The following TRPC6 variants were observed in gnomAD, a reference collection of about 807,000 sequenced individuals.
TRPC6 encodes short transient receptor potential channel 6.
In TRPC6, 55 loss-of-function variants were observed where a neutral mutation model predicts 90.7. That is an observed-to-expected ratio of 0.61 (90% CI 0.49 to 0.76). TRPC6 has a LOEUF of 0.76. Ranked by LOEUF, TRPC6 falls within the 30% of genes least tolerant of loss-of-function variation. TRPC6 has a pLI of 0.00. For synonymous variants in TRPC6, 393 were observed against 393.0 expected (o/e 1.00, Z 0.00); for missense variants, 989 against 1,122.7 (o/e 0.88, Z 1.70).
intron 1 of TRPC6, among the ~76,000 whole-genome samples, chr11:101,558,460 T>TACACAC (rs71056630): frequency 0.02 from 1,022 of 50,468 alleles, 80 homozygotes; most frequent in African/African-American, 0.042. Context: ...CACGCACACA[T>TACACAC]ACACACACAC....
chr11:101,579,215 A>G (rs1862136958), intron 1 of TRPC6, among the ~76,000 whole-genome samples: 1 of 151,970 alleles, frequency 6.6e-6, no homozygotes, highest in Non-Finnish European at 1.5e-5. Flanking sequence ...TAGCCCTTCC[A>G]TTAATTTTTT....
intron 10 of TRPC6, among the ~76,000 whole-genome samples, chr11:101,465,137 G>C (rs1859111507): frequency 1.3e-5 from 2 of 152,162 alleles, no homozygotes; most frequent in Non-Finnish European, 2.9e-5. Flanking sequence ...CTGGCTTGTA[G>C]GGTTTCTGCA....
chr11:101,563,386 A>T (rs554748321), intron 1 of TRPC6, among the ~76,000 whole-genome samples: 1 of 152,298 alleles, frequency 6.6e-6, no homozygotes, highest in South Asian at 2.1e-4. Context: ...TTGCATGTGT[A>T]CGTGTCTGTC....
intron 1 of TRPC6, among the ~76,000 whole-genome samples, chr11:101,582,944 C>G (rs898198261): frequency 1.3e-5 from 2 of 152,116 alleles, no homozygotes; most frequent in African/African-American, 4.8e-5. Flanking sequence ...GTCACCCGGG[C>G]GCACATCTGA....
At chr11:101,492,758 G>A (rs1040019417) in intron 2 of TRPC6, among the ~76,000 whole-genome samples, 1 of 152,190 alleles carries the variant, frequency 6.6e-6, no homozygotes, top group Non-Finnish European at 1.5e-5. Flanking sequence ...TGTAAACTGT[G>A]TTAGTAAACT....
Position 101,583,442 on chromosome 11 carries a change from G to T in TRPC6, c.62C>A (p.Ala21Asp). Residue 21 changes from alanine (A) to aspartate (D), a missense_variant, in exon 1 of 13, where the codon GCC (alanine) becomes GAC (aspartate). Physicochemically the swap from Ala to Asp is moderately radical, Grantham distance 126 (BLOSUM62 -2). Transcript: ENST00000344327. Reference sequence around the variant, plus strand: ...CTGGCTCTCGTTGCGCCGCGCAGCGGCTCCGGCAGCGCCCCGGGGAGAACT... The same window carrying T: ...CTGGCTCTCGTTGCGCCGCGCAGCGTCTCCGGCAGCGCCCCGGGGAGAACT... ...RGSSPRGAAG[A>D]AARRNESQDY... The T allele has an allele frequency of 6.5e-7, 1 of 1,543,176 alleles. No homozygotes were observed. Among genetic ancestry groups the T allele is most frequent in the Non-Finnish European group, 8.7e-7 (1 of 1,143,748 alleles).
chr11:101,464,949 T>C (rs1447232853), intron 10 of TRPC6, among the ~76,000 whole-genome samples: 1 of 152,220 alleles, frequency 6.6e-6, no homozygotes, highest in African/African-American at 2.4e-5. Flanking sequence ...CTTTCCATAC[T>C]TAGTGCTTCC....
At chr11:101,462,221 T>C in intron 10 of TRPC6, among the ~76,000 whole-genome samples, 1 of 152,196 alleles carries the variant, frequency 6.6e-6, no homozygotes, top group East Asian at 1.9e-4. Flanking sequence ...TGTAGCCTTG[T>C]AGTATAGTTT....
intron 1 of TRPC6, among the ~76,000 whole-genome samples, chr11:101,518,996 T>C (rs1168208829): frequency 6.6e-6 from 1 of 152,094 alleles, no homozygotes; most frequent in Non-Finnish European, 1.5e-5. Context: ...ATTAAAACAA[T>C]TGAATTCATG....
At chr11:101,559,701 G>A (rs1271050002) in intron 1 of TRPC6, among the ~76,000 whole-genome samples, 1 of 150,578 alleles carries the variant, frequency 6.6e-6, no homozygotes, top group African/African-American at 2.5e-5. Flanking sequence ...TGTTACATAT[G>A]TATACGTGTG....
At chr11:101,454,765 G>T (rs1165075703) in intron 11 of TRPC6, among the ~76,000 whole-genome samples, 2 of 151,894 alleles carry the variant, frequency 1.3e-5, no homozygotes, top group African/African-American at 2.4e-5. Context: ...TTTTTGTAAG[G>T]TTTGCCTTTT....
At chr11:101,553,951 G>T (rs1383899737) in intron 1 of TRPC6, among the ~76,000 whole-genome samples, 1 of 152,086 alleles carries the variant, frequency 6.6e-6, no homozygotes, top group Non-Finnish European at 1.5e-5. Flanking sequence ...TCATAGTTCT[G>T]TGGGGAAAAT....
intron 1 of TRPC6, among the ~76,000 whole-genome samples, chr11:101,510,221 A>C (rs987841594): frequency 6.6e-6 from 1 of 152,138 alleles, no homozygotes; most frequent in Non-Finnish European, 1.5e-5. Context: ...AAAATGTGTA[A>C]AACAACTTTT....
At chr11:101,527,024 A>G (rs1860796916) in intron 1 of TRPC6, among the ~76,000 whole-genome samples, 1 of 139,418 alleles carries the variant, frequency 7.2e-6, no homozygotes, top group African/African-American at 2.4e-5. Flanking sequence ...CAAGACTACA[A>G]TTTCAAAAAA....
At position 101,451,884 on chromosome 11, in the gene TRPC6, C is replaced by T. The variant is rs200962334; in HGVS notation, c.*1071G>A. ...CTTCATCGCTTTTAGTTGTTTAAGACACCACTTCACATGATCAGTAAGTAA... is the reference window on the plus strand; with the variant it reads ...CTTCATCGCTTTTAGTTGTTTAAGATACCACTTCACATGATCAGTAAGTAA... On this transcript the variant is annotated 3_prime_UTR_variant, in exon 13 of 13. Transcript: ENST00000344327. 1 of 152,292 alleles carries T rather than the reference C, an allele frequency of 6.6e-6. No homozygotes were observed. The highest frequency in any genetic ancestry group is 2.1e-4 in the South Asian group (1 of 4,824). 9.4% of individuals were successfully genotyped at this position (152,292 alleles called of 1,614,324 possible).
At chr11:101,578,967 A>G (rs2136901778) in intron 1 of TRPC6, among the ~76,000 whole-genome samples, 1 of 152,160 alleles carries the variant, frequency 6.6e-6, no homozygotes, top group South Asian at 2.1e-4. Flanking sequence ...ATATGTTTAA[A>G]TGGGGTTTTT....
intron 1 of TRPC6, among the ~76,000 whole-genome samples, chr11:101,530,467 C>T (rs1565231642): frequency 6.6e-6 from 1 of 152,156 alleles, no homozygotes; most frequent in Non-Finnish European, 1.5e-5. Flanking sequence ...TGAGGCTGGG[C>T]TGTAGACCCT....
At position 101,518,445 on chromosome 11, in the gene TRPC6, G is replaced by A. The variant is rs1218067715; in HGVS notation, c.171-13647C>T. ...ATTGCAAACAGAAATATGAAAAGAT[G>A]CTTAACATCATTGATCATCAGAGAA... On this transcript the variant is annotated intron_variant, in intron 1 of 12. Coordinates refer to ENST00000344327, the MANE Select transcript of TRPC6 (RefSeq NM_004621.6). Among the ~76,000 whole-genome samples the A allele has an allele frequency of 2.0e-5, 3 of 152,228 alleles. No homozygotes were observed. In the South Asian group the frequency reaches 6.2e-4, roughly 32 times the overall value.
intron 1 of TRPC6, 151 bp downstream of exon 1, chr11:101,583,183 C>G: frequency 7.2e-7 from 1 of 1,390,768 alleles, no homozygotes; most frequent in Admixed American, 2.9e-5. Context: ...ACTCAGGTCC[C>G]AGCCCTGGCT....
Sources: allele counts gnomAD v4.1 joint callset (sites outside exome capture counted in the v4.1 genomes callset), GRCh38; gene constraint gnomAD v4.1.1; transcripts MANE v1.5; gene names NCBI Gene and HGNC (gene_info 2026-07-23, HGNC 2026-07-21).